FRAS1: variants seen among roughly 807,000 people sequenced by gnomAD.
FRAS1 encodes the protein Fraser extracellular matrix complex subunit 1, also known as extracellular matrix organizing protein FRAS1.
A neutral mutation model predicts 435.2 loss-of-function variants in FRAS1; 290 were observed. The observed-to-expected ratio is 0.67, with a 90% CI of 0.61 to 0.73. FRAS1 has a LOEUF of 0.73. Among genes scored for constraint, FRAS1 ranks in the 30% least tolerant of loss-of-function variants. The probability of loss-of-function intolerance (pLI) is 0.00; values close to 1 mark genes in which losing one functional copy is unlikely to be tolerated. For missense variants in FRAS1, 4,860 were observed against 5,001.5 expected (o/e 0.97, Z 0.85); for synonymous variants, 1,800 against 1,851.0 (o/e 0.97, Z 0.71).
intron 61 of FRAS1, among the ~76,000 whole-genome samples, chr4:78,500,208 TA>T (rs904175836): frequency 3.3e-5 from 5 of 151,440 alleles, no homozygotes; most frequent in Admixed American, 3.3e-4. Context: ...GATCACTTGT[TA>T]AAAAAAAATA....
chr4:78,152,446 G>A (rs1441784439), intron 2 of FRAS1, among the ~76,000 whole-genome samples: 2 of 152,028 alleles, frequency 1.3e-5, no homozygotes, highest in African/African-American at 2.4e-5. Flanking sequence ...AGAGACTAAT[G>A]TACTTGCTGA....
chr4:78,197,890 G>C (rs181749002), intron 2 of FRAS1, among the ~76,000 whole-genome samples: 1 of 151,528 alleles, frequency 6.6e-6, no homozygotes, highest in Non-Finnish European at 1.5e-5. Context: ...GCAGTGAGCC[G>C]AGATTGAGCC....
At chr4:78,432,680 G>A in intron 38 of FRAS1, 76 bp downstream of exon 38, 1 of 1,462,306 alleles carries the variant, frequency 6.8e-7, no homozygotes, top group Non-Finnish European at 9.1e-7. Flanking sequence ...GCAATGCCAT[G>A]GCTGAATATT....
chr4:78,280,592 T>C (rs1292508954), intron 10 of FRAS1, among the ~76,000 whole-genome samples: 26 of 152,004 alleles, frequency 1.7e-4, no homozygotes, highest in Admixed American at 1.7e-3. Context: ...TTTTTTTTTT[T>C]TTTTGATTTG....
intron 41 of FRAS1, among the ~76,000 whole-genome samples, chr4:78,442,187 A>G (rs1023722699): frequency 6.6e-6 from 1 of 152,256 alleles, no homozygotes; most frequent in Non-Finnish European, 1.5e-5. Flanking sequence ...TCCTTTTCCC[A>G]TCTTTCCTTT....
At chr4:78,438,435 G>C in intron 38 of FRAS1, 135 bp from the exon 39 acceptor site, 1 of 829,330 alleles carries the variant, frequency 1.2e-6, no homozygotes, top group Non-Finnish European at 1.9e-6. Flanking sequence ...AATACAAAGA[G>C]AAAGAGACTT....
intron 20 of FRAS1, among the ~76,000 whole-genome samples, chr4:78,356,337 C>T (rs1277677684): frequency 3.3e-5 from 5 of 152,042 alleles, no homozygotes; most frequent in African/African-American, 1.2e-4. Flanking sequence ...ATTTTTACTC[C>T]AATAACCTTT....
chr4:78,161,742 C>CAAAAAAAAAAA lies in FRAS1; in HGVS notation c.109-75748_109-75738dup, dbSNP rs71214399. Among the ~76,000 whole-genome samples the CAAAAAAAAAAA allele has an allele frequency of 2.3e-3, 58 of 24,898 alleles. 1 individual carries two copies. The highest frequency in any genetic ancestry group is 5.3e-3 in the African/African-American group (27 of 5,100). 16.3% of individuals were successfully genotyped at this position (24,898 alleles called of 152,430 possible). Reference sequence around the variant, plus strand: ...GGGCAACAAGAGCAAAACTCTGTCTCAAAAAAAAAAAAAAAAAAAAAAAAA... The same window carrying CAAAAAAAAAAA: ...GGGCAACAAGAGCAAAACTCTGTCTCAAAAAAAAAAAAAAAAAAAAAAAAAAAAAAAAAAAA... On this transcript the variant is annotated intron_variant, in intron 2 of 73. Transcript: ENST00000512123.
chr4:78,540,816 G>T lies in FRAS1; in HGVS notation c.11731G>T (p.Ala3911Ser). 6.2e-7 allele frequency: 1 copy of T among 1,613,954 alleles called. No individual in the cohort carries two copies. The highest frequency in any genetic ancestry group is 1.7e-5 in the Admixed American group (1 of 60,036). The change falls in exon 74 of 74, where the codon GCT becomes TCT. Residue 3911 changes from alanine to serine, a missense_variant. By Grantham distance (99) the Ala-to-Ser change is moderately conservative. Transcript: ENST00000512123. ...TGGGGCGTCCATTGGCAGTGCCCTG[G>T]CTGCAATCATGCTTCTACTTCTGGT... is the stretch of plus-strand genomic sequence containing the variant. Reference protein sequence around the residue: ...QTGASIGSALAAIMLLLLVFL... With the variant: ...QTGASIGSALSAIMLLLLVFL...
intron 14 of FRAS1, among the ~76,000 whole-genome samples, chr4:78,302,530 T>G (rs1728464488): frequency 6.6e-6 from 1 of 152,168 alleles, no homozygotes; most frequent in Admixed American, 6.5e-5. Flanking sequence ...GTTTCCTGAC[T>G]TTTAATGATT....
chr4:78,478,209 C>A, intron 55 of FRAS1, 148 bp downstream of exon 55: 2 of 883,966 alleles, frequency 2.3e-6, no homozygotes. Context: ...CACAACAACC[C>A]TGATGATGAT....
chr4:78,285,359 CA>C (rs1375413980), intron 13 of FRAS1, among the ~76,000 whole-genome samples: 8 of 126,538 alleles, frequency 6.3e-5, no homozygotes, highest in Non-Finnish European at 5.0e-5. Context: ...GACTCCGTCT[CA>C]AAAAAAAAAG....
intron 15 of FRAS1, among the ~76,000 whole-genome samples, chr4:78,312,356 T>C (rs892165462): frequency 3.9e-5 from 6 of 152,026 alleles, no homozygotes; most frequent in Middle Eastern, 3.2e-3. Flanking sequence ...TATAGAAATT[T>C]CTAAATTTCC....
intron 4 of FRAS1, among the ~76,000 whole-genome samples, chr4:78,249,160 G>A (rs749772284): frequency 8.4e-5 from 12 of 143,522 alleles, no homozygotes; most frequent in Admixed American, 1.4e-4. Context: ...CTCACTCTGG[G>A]GAAGGAGGTG....
At position 78,477,788 on chromosome 4, in the gene FRAS1, A is replaced by G. The variant is rs777528955; in HGVS notation, c.7852-27A>G. Reference sequence around the variant, plus strand: ...AGCAGGGGAAGCTGAGGCACAGCTTAACTTCTTGTTGGTTCCTTTGTGACA... The same window carrying G: ...AGCAGGGGAAGCTGAGGCACAGCTTGACTTCTTGTTGGTTCCTTTGTGACA... On this transcript the variant is annotated intron_variant, in intron 54 of 73. Coordinates refer to ENST00000512123, the MANE Select transcript of FRAS1 (RefSeq NM_025074.7). 6 of 1,601,050 alleles carry G rather than the reference A, an allele frequency of 3.7e-6. No homozygotes were observed. In the African/African-American group the frequency reaches 5.3e-5, roughly 14 times the overall value.
At chr4:78,256,867 T>A (rs891713817) in intron 6 of FRAS1, among the ~76,000 whole-genome samples, 3 of 152,206 alleles carry the variant, frequency 2.0e-5, no homozygotes, top group Admixed American at 2.0e-4. Context: ...AGAACCATTT[T>A]TCTTGATTTA....
intron 2 of FRAS1, among the ~76,000 whole-genome samples, chr4:78,082,631 A>T (rs1036818022): frequency 6.6e-6 from 1 of 151,998 alleles, no homozygotes; most frequent in South Asian, 2.1e-4. Flanking sequence ...CATCAGTTCT[A>T]TTCTTATTTT....
At chr4:78,221,693 T>C (rs1272619800) in intron 2 of FRAS1, among the ~76,000 whole-genome samples, 4 of 152,232 alleles carry the variant, frequency 2.6e-5, no homozygotes, top group South Asian at 2.1e-4. Context: ...CTTGTGTGTG[T>C]TGAACAGTGT....
chr4:78,438,931 A>G lies in FRAS1; in HGVS notation c.5396A>G (p.His1799Arg), dbSNP rs1466835714. 1 of 1,610,408 alleles carries G rather than the reference A, an allele frequency of 6.2e-7. No individual in the cohort carries two copies. The highest frequency in any genetic ancestry group is 8.5e-7 in the Non-Finnish European group (1 of 1,179,196). Residue 1799 changes from histidine (H) to arginine (R), a missense_variant, in exon 40 of 74, where the codon CAT becomes CGT. By Grantham distance (29) the His-to-Arg change is conservative. Transcript: ENST00000512123. Reference sequence around the variant, plus strand: ...TCAGCTGTGTTTGAAACTGATGGTCATCTGGTTACTGATAGCTTCTATTTC... The same window carrying G: ...TCAGCTGTGTTTGAAACTGATGGTCGTCTGGTTACTGATAGCTTCTATTTC... ...RYSAVFETDG[H>R]LVTDSFYFSV...
Sources: allele counts gnomAD v4.1 joint callset (sites outside exome capture counted in the v4.1 genomes callset), GRCh38; gene constraint gnomAD v4.1.1; transcripts MANE v1.5; gene names NCBI Gene and HGNC (gene_info 2026-07-23, HGNC 2026-07-21).